The following OPLAH variants were observed in gnomAD, a reference collection of about 807,000 sequenced individuals.
OPLAH encodes the protein 5-oxoprolinase, ATP-hydrolysing, also known as 5-oxoprolinase.
OPLAH carries 103 observed loss-of-function variants against 122.8 expected under a neutral mutation model. The observed-to-expected ratio is 0.84, with a 90% CI of 0.71 to 0.99. The LOEUF (loss-of-function observed/expected upper bound fraction) is 0.99, where lower values mean the gene tolerates loss of function less well. OPLAH is among the 50% of genes least tolerant of loss of function. The pLI, the probability that OPLAH is intolerant of heterozygous loss-of-function variation, is 0.00. For missense variants in OPLAH, 1,902 were observed against 1,836.5 expected, an observed-to-expected ratio of 1.04 and a Z score of -0.65; for synonymous variants, 875 against 796.0, an observed-to-expected ratio of 1.10 and a Z score of -1.67.
At position 144,052,603 on chromosome 8, in the gene OPLAH, G is replaced by A. The variant is rs781803071; in HGVS notation, c.3154-5C>T. 2 of 1,587,252 alleles carry A rather than the reference G, an allele frequency of 1.3e-6. No homozygotes were observed. The highest frequency in any genetic ancestry group is 3.4e-5 in the Admixed American group (2 of 58,300). ...GCGCACTGGCGCCAGGCAGCCCTGT[G>A]CGGGGCGGGCGGCTCTCAGGAGCTC... On this transcript the variant is annotated splice_polypyrimidine_tract_variant and splice_region_variant and intron_variant, in intron 22 of 26. Coordinates refer to ENST00000618853, the MANE Select transcript of OPLAH (RefSeq NM_017570.5).
At chr8:144,052,703 C>G (rs1835414618) in intron 22 of OPLAH, 63 bp downstream of exon 22, 10 of 1,541,666 alleles carry the variant, frequency 6.5e-6, no homozygotes, top group Non-Finnish European at 8.8e-6. Context: ...TGGCTGGGCC[C>G]AGGAGGCGCA....
Position 144,056,435 on chromosome 8 carries a change from G to T in OPLAH, c.1933C>A (p.Arg645Ser). The change falls in exon 14 of 27, where the codon CGC (arginine) becomes AGC (serine). Residue 645 changes from arginine (R) to serine (S), a missense_variant. By Grantham distance (110) the Arg-to-Ser change is moderately radical. Transcript: ENST00000618853. ...TGGGCTTTGGGGGCATCCTCGAGGC[G>T]AAGACCACTGCGGCCGGTGCCCCGC... ...RVRGTGRSGLRLEDAPKAQTG... is the reference protein window; with the variant it reads ...RVRGTGRSGLSLEDAPKAQTG... 6.2e-7 allele frequency: 1 copy of T among 1,609,918 alleles called. No individual in the cohort carries two copies.
Position 144,054,738 on chromosome 8 carries a change from A to G in OPLAH, c.2512-3T>C. 1 of 1,612,036 alleles carries G rather than the reference A, an allele frequency of 6.2e-7. No homozygotes were observed. Among genetic ancestry groups the G allele is most frequent in the South Asian group, 1.1e-5 (1 of 91,060 alleles). ...CGCGTCTGACCCGGCCAAAACACCT[A>G]GCGGGTGGAGAGCCACGGTCAGCTG... On this transcript the variant is annotated splice_polypyrimidine_tract_variant and splice_region_variant and intron_variant, in intron 18 of 26. Coordinates refer to ENST00000618853, the MANE Select transcript of OPLAH (RefSeq NM_017570.5).
chr8:144,056,710 G>A lies in OPLAH; in HGVS notation c.1752C>T (p.Gly584=), dbSNP rs1356853509. Residue 584 remains glycine (G), a synonymous_variant, in exon 13 of 27, where the codon GGC becomes GGT. Coordinates refer to ENST00000618853, the MANE Select transcript of OPLAH (RefSeq NM_017570.5). The part of the protein sequence containing the change: ...TESFLHLRYQ[G]TDCALMVSAH... ...CAGACACCATCAGAGCACAGTCCGT[G>A]CCCTGGTAGCGCAGGTGCAGGAAGC... The A allele has an allele frequency of 6.2e-7, 1 of 1,611,260 alleles. No homozygotes were observed. Among genetic ancestry groups the A allele is most frequent in the African/African-American group, 1.3e-5 (1 of 74,924 alleles).
At chr8:144,056,072 G>A in intron 15 of OPLAH, 75 bp downstream of exon 15, 1 of 1,539,122 alleles carries the variant, frequency 6.5e-7, no homozygotes, top group African/African-American at 1.4e-5. Context: ...TGCAGCCTTG[G>A]GCCAGAGAAC....
chr8:144,063,116 G>C (rs1187720482), upstream of OPLAH, among the ~76,000 whole-genome samples: 1 of 152,096 alleles, frequency 6.6e-6, no homozygotes, highest in East Asian at 1.9e-4. This position sits in a 1 kb window ranked among gnomAD's most constrained non-coding sequence, Gnocchi z 4.2. Flanking sequence ...GGCAGCTCCA[G>C]GCCTGCGGGA....
rs782803169 is a variant in OPLAH at position 144,058,107 on chromosome 8, G to A, written c.991C>T (p.His331Tyr). 1 of 1,612,540 alleles carries A rather than the reference G, an allele frequency of 6.2e-7. No homozygotes were observed. The highest frequency in any genetic ancestry group is 1.7e-5 in the Admixed American group (1 of 60,024). Residue 331 changes from histidine to tyrosine, a missense_variant, in exon 8 of 27, where the codon CAC becomes TAC. Coordinates refer to ENST00000618853, the MANE Select transcript of OPLAH (RefSeq NM_017570.5). ...DVSRYAGEFE[H>Y]VFEASTAGVT... is the part of the protein sequence containing the mutation. ...CCAGCTGTGCTGGCCTCGAAGACGTGCTCGAATTCCCCAGCATAGCGGCTC... is the reference window on the plus strand; with the variant it reads ...CCAGCTGTGCTGGCCTCGAAGACGTACTCGAATTCCCCAGCATAGCGGCTC...
chr8:144,052,029 C>T lies in OPLAH; in HGVS notation c.3509G>A (p.Gly1170Asp), dbSNP rs1358043925. The T allele has an allele frequency of 6.3e-7, 1 of 1,589,094 alleles. No homozygotes were observed. The highest frequency in any genetic ancestry group is 1.1e-5 in the South Asian group (1 of 90,194). Reference sequence around the variant, plus strand: ...GTCGCCGCCTCGGAAGCGGCCTCTGCCCCCCGAGCCCCGCCGCAGCTCGAA... The same window carrying T: ...GTCGCCGCCTCGGAAGCGGCCTCTGTCCCCCGAGCCCCGCCGCAGCTCGAA... ...RRFELRRGSGGRGRFRGGDGV... is the reference protein window; with the variant it reads ...RRFELRRGSGDRGRFRGGDGV... Residue 1170 changes from glycine (G) to aspartate (D), a missense_variant, in exon 25 of 27, where the codon GGC (glycine) becomes GAC (aspartate). Physicochemically the swap from Gly to Asp is moderately conservative, Grantham distance 94. Transcript: ENST00000618853.
rs782483625 is a variant in OPLAH at position 144,053,138 on chromosome 8, G to C, written c.2872-9C>G. ...GCCAGCTCAGCGTTTGCCTGGCAGG[G>C]AGCAGGATCAGTGGTGGCCAGGTCA... On this transcript the variant is annotated splice_polypyrimidine_tract_variant and intron_variant, in intron 20 of 26. Transcript: ENST00000618853. 6.8e-6 allele frequency: 11 copies of C among 1,607,432 alleles called. No homozygotes were observed. In the Admixed American group the frequency reaches 1.2e-4, roughly 17 times the overall value.
upstream of OPLAH, among the ~76,000 whole-genome samples, chr8:144,061,090 C>T (rs1835655354): frequency 6.6e-6 from 1 of 152,270 alleles, no homozygotes; most frequent in African/African-American, 2.4e-5. Flanking sequence ...CTCCCGGCCC[C>T]GTGGGCCTCT....
At position 144,051,431 on chromosome 8, in the gene OPLAH, C is replaced by T. The variant is rs1835371912; in HGVS notation, c.3762G>A (p.Gly1254=). The change falls in exon 27 of 27, where the codon GGG becomes GGA. Residue 1254 remains glycine (G), a synonymous_variant. Coordinates refer to ENST00000618853, the MANE Select transcript of OPLAH (RefSeq NM_017570.5). Reference sequence around the variant, plus strand: ...GCGGTGGGGCGGGGTCCTCCGGGTCCCCATAGCCACCGCCGCCGGGCGTGT... The same window carrying T: ...GCGGTGGGGCGGGGTCCTCCGGGTCTCCATAGCCACCGCCGCCGGGCGTGT... ...CLHTPGGGGY[G]DPEDPAPPPG... The T allele has an allele frequency of 1.3e-6, 2 of 1,572,818 alleles. No homozygotes were observed. The highest frequency in any genetic ancestry group is 2.0e-5 in the Admixed American group (1 of 49,988).
At chr8:144,054,511 GCCATGTGTC>G in intron 19 of OPLAH, 41 bp downstream of exon 19, 1 of 1,510,428 alleles carries the variant, frequency 6.6e-7, no homozygotes, top group Non-Finnish European at 8.9e-7. Context: ...GCCAGCAGTG[GCCATGTGTC>G]CCAGCCTACA....
rs782092714 is a variant in OPLAH at position 144,058,759 on chromosome 8, C to G, written c.587+14G>C. 1.3e-6 allele frequency: 2 copies of G among 1,589,216 alleles called. No homozygotes were observed. Among genetic ancestry groups the G allele is most frequent in the Non-Finnish European group, 1.7e-6 (2 of 1,164,472 alleles). ...GGCACCTGCTCCCGCAGCCCACAGC[C>G]CCACCTCACTCACGTGTACGAGTGC... On this transcript the variant is annotated intron_variant, in intron 5 of 26. Coordinates refer to ENST00000618853, the MANE Select transcript of OPLAH (RefSeq NM_017570.5).
intron 3 of OPLAH, 70 bp downstream of exon 3, chr8:144,059,529 C>T (rs1303411659): frequency 8.1e-6 from 12 of 1,481,556 alleles, no homozygotes; most frequent in Non-Finnish European, 1.0e-5. Context: ...AACTGCTCTC[C>T]CCACAGGGTC....
At chr8:144,053,182 C>T (rs782089648) in intron 20 of OPLAH, 27 bp downstream of exon 20, 51 of 1,610,448 alleles carry the variant, frequency 3.2e-5, no homozygotes, top group African/African-American at 2.5e-4. Context: ...ATGGCCCTGC[C>T]GCCCACACTC....
rs782566081 is a variant in OPLAH at position 144,056,759 on chromosome 8, C to T, written c.1707-4G>A. 10 of 1,600,166 alleles carry T rather than the reference C, an allele frequency of 6.2e-6. No individual in the cohort carries two copies. The highest frequency in any genetic ancestry group is 4.3e-6 in the Non-Finnish European group (5 of 1,172,158). On this transcript the variant is annotated splice_region_variant and splice_polypyrimidine_tract_variant and intron_variant, in intron 12 of 26. Transcript: ENST00000618853. ...GCTCTCAGTGCTGATCTGGGACCTG[C>T]AGCAGGTGGTTGGGGGCACTCACAC...
rs781965027 is a variant in OPLAH at position 144,059,672 on chromosome 8, G to A, written c.290C>T (p.Ala97Val). Residue 97 changes from alanine to valine, a missense_variant, in exon 3 of 27, where the codon GCG (alanine) becomes GTG (valine). By Grantham distance (64) the Ala-to-Val change is moderately conservative. This residue lies in a region of OPLAH where 168 missense variants were observed against 170.6 expected (regional missense o/e 0.98). Coordinates refer to ENST00000618853, the MANE Select transcript of OPLAH (RefSeq NM_017570.5). The part of the protein sequence containing the change: ...ALLERKGERV[A>V]LLVTRGFRDL... ...TCGGAAGCCACGTGTCACCAGCAGC[G>A]CCACCCGCTCCCCCTTCCGCTCCAG... The A allele has an allele frequency of 1.1e-5, 17 of 1,612,370 alleles. No individual in the cohort carries two copies. The highest frequency in any genetic ancestry group is 2.7e-5 in the African/African-American group (2 of 74,948).
rs1475204425 is a variant in OPLAH, at chr8:144,051,452, C to T, written c.3741G>A (p.Thr1247=). The part of the protein sequence containing the change: ...VYPGDVFCLH[T]PGGGGYGDPE... ...GGTCCCCATAGCCACCGCCGCCGGG[C>T]GTGTGGAGACAGAACACATCCTGTT... Residue 1247 remains threonine, a synonymous_variant, in exon 27 of 27, where the codon ACG becomes ACA. Coordinates refer to ENST00000618853, the MANE Select transcript of OPLAH (RefSeq NM_017570.5). 1.8e-6 allele frequency: 2 copies of T among 1,093,802 alleles called. No homozygotes were observed. The highest frequency in any genetic ancestry group is 7.0e-5 in the Admixed American group (2 of 28,486). 67.8% of individuals were successfully genotyped at this position (1,093,802 alleles called of 1,614,324 possible).
chr8:144,055,941 TG>T lies in OPLAH; in HGVS notation c.2097-3del. 1 of 1,576,312 alleles carries T rather than the reference TG, an allele frequency of 6.3e-7. No homozygotes were observed. Among genetic ancestry groups the T allele is most frequent in the Non-Finnish European group, 8.6e-7 (1 of 1,160,240 alleles). ...CAACCTGGCTCCACCAGGATGGTGC[TG>T]GGGAGCAGAGGGCACAGAGGGCTGC... On this transcript the variant is annotated splice_region_variant and splice_polypyrimidine_tract_variant and intron_variant, in intron 15 of 26. Transcript: ENST00000618853. This position sits in a 1 kb window ranked among gnomAD's most constrained non-coding sequence, Gnocchi z 6.5.
Sources: gnomAD v4.1 joint callset for allele counts (sites outside exome capture counted in the v4.1 genomes callset) on GRCh38, gnomAD v4.1.1 for gene constraint, gnomAD v4.1.1 regional missense constraint, Gnocchi (gnomAD v3.1) non-coding constraint, MANE v1.5 for transcripts, NCBI Gene and HGNC (gene_info 2026-07-23, HGNC 2026-07-21) for gene names.